Variants in ADGRL3 observed in about 807,000 individuals in gnomAD.
ADGRL3 encodes adhesion G protein-coupled receptor L3.
A neutral mutation model predicts 153.5 loss-of-function variants in ADGRL3; 62 were observed. That is an observed-to-expected ratio of 0.40 (90% confidence interval 0.33 to 0.50). The LOEUF (loss-of-function observed/expected upper bound fraction) is 0.50, where lower values mean the gene tolerates loss of function less well. Among genes scored for constraint, ADGRL3 ranks in the 20% least tolerant of loss-of-function variants. ADGRL3 has a pLI of 0.47. For synonymous variants in ADGRL3, 710 were observed against 672.5 expected (o/e 1.06, Z -0.86); for missense variants, 1,641 against 1,859.4 (o/e 0.88, Z 2.16).
chr4:61,646,692 G>A (rs1580067024), intron 5 of ADGRL3, among the ~76,000 whole-genome samples: 1 of 152,096 alleles, frequency 6.6e-6, no homozygotes, highest in Admixed American at 6.5e-5. Flanking sequence ...CTGTCAGACA[G>A]GGACACTTAA....
intron 1 of ADGRL3, among the ~76,000 whole-genome samples, chr4:61,315,288 A>T (rs1275881638): frequency 6.6e-6 from 1 of 152,084 alleles, no homozygotes; most frequent in East Asian, 1.9e-4. Flanking sequence ...CTTACTTGTG[A>T]TCTAATATTT....
intron 2 of ADGRL3, among the ~76,000 whole-genome samples, chr4:61,398,910 C>T (rs147666919): frequency 1.3e-5 from 2 of 151,638 alleles, no homozygotes; most frequent in Non-Finnish European, 3.0e-5. Context: ...ACTGTGTTTC[C>T]TTAACTTCCC....
intron 1 of ADGRL3, among the ~76,000 whole-genome samples, chr4:61,237,333 G>C (rs949772423): frequency 6.6e-6 from 1 of 151,916 alleles, no homozygotes; most frequent in East Asian, 1.9e-4. Flanking sequence ...TTTGGTCCTG[G>C]GTTTCTGTTG....
chr4:61,715,783 G>A (rs990029596), intron 6 of ADGRL3, among the ~76,000 whole-genome samples: 1 of 151,846 alleles, frequency 6.6e-6, no homozygotes, highest in African/African-American at 2.4e-5. Flanking sequence ...CATAGAACTT[G>A]GAGAGATGGG....
intron 17 of ADGRL3, among the ~76,000 whole-genome samples, chr4:61,969,396 C>A (rs1010218418): frequency 6.6e-6 from 1 of 152,052 alleles, no homozygotes; most frequent in African/African-American, 2.4e-5. Flanking sequence ...ATTCATATGA[C>A]CTTCTGTCTA....
chr4:61,932,068 T>C (rs1196188216), intron 13 of ADGRL3, among the ~76,000 whole-genome samples: 1 of 151,990 alleles, frequency 6.6e-6, no homozygotes, highest in East Asian at 1.9e-4. Context: ...CATACAGTCT[T>C]TTATGTATAT....
intron 1 of ADGRL3, among the ~76,000 whole-genome samples, chr4:61,248,262 A>C (rs2149405312): frequency 6.6e-6 from 1 of 152,148 alleles, no homozygotes; most frequent in African/African-American, 2.4e-5. Context: ...GAGTTATTGA[A>C]ATGCTTCATT....
intron 2 of ADGRL3, among the ~76,000 whole-genome samples, chr4:61,434,620 G>T (rs2097421556): frequency 6.6e-6 from 1 of 151,408 alleles, no homozygotes; most frequent in Non-Finnish European, 1.5e-5. Flanking sequence ...TCCGAATCCT[G>T]CTGACTATTT....
intron 5 of ADGRL3, among the ~76,000 whole-genome samples, chr4:61,651,418 A>T (rs954733387): frequency 1.3e-5 from 2 of 152,204 alleles, no homozygotes; most frequent in East Asian, 3.8e-4. Context: ...GCTATATGAA[A>T]GCACTTCTAA....
At chr4:61,210,343 G>A (rs377722222) in intron 1 of ADGRL3, among the ~76,000 whole-genome samples, 1 of 152,010 alleles carries the variant, frequency 6.6e-6, no homozygotes, top group Non-Finnish European at 1.5e-5. Flanking sequence ...TACGCATCCC[G>A]CAGAGGCAGA....
At chr4:61,363,083 G>A (rs2151529003) in intron 1 of ADGRL3, among the ~76,000 whole-genome samples, 1 of 152,228 alleles carries the variant, frequency 6.6e-6, no homozygotes, top group Admixed American at 6.5e-5. Flanking sequence ...TCTAGCTTGA[G>A]GAACTTAAAA....
At chr4:61,836,467 G>T (rs2097937124) in intron 9 of ADGRL3, among the ~76,000 whole-genome samples, 1 of 151,990 alleles carries the variant, frequency 6.6e-6, no homozygotes, top group Non-Finnish European at 1.5e-5. Flanking sequence ...AGTAGATAAT[G>T]TTAAATGGTT....
chr4:61,714,221 G>GCACACACACACACAGACA (rs57350284), intron 6 of ADGRL3, among the ~76,000 whole-genome samples: 4 of 150,742 alleles, frequency 2.7e-5, no homozygotes, highest in African/African-American at 9.8e-5. Flanking sequence ...TGTAAAATAC[G>GCACACACACACACAGACA]CACACACACA....
intron 4 of ADGRL3, among the ~76,000 whole-genome samples, chr4:61,579,849 T>A (rs1362908787): frequency 6.6e-6 from 1 of 152,120 alleles, no homozygotes; most frequent in African/African-American, 2.4e-5. Context: ...ATTGTTAGAA[T>A]TCAGTGTATT....
intron 9 of ADGRL3, among the ~76,000 whole-genome samples, chr4:61,816,736 G>C (rs1451851051): frequency 6.6e-6 from 1 of 152,162 alleles, no homozygotes; most frequent in African/African-American, 2.4e-5. Flanking sequence ...GGGGATGCCA[G>C]CTGCAGCAGG....
rs900088251 is a variant in ADGRL3, at chr4:61,301,643, C to A, written c.-239-81481C>A. 2.0e-5 allele frequency among the ~76,000 whole-genome samples: 3 copies of A among 152,272 alleles called. No homozygotes were observed. In the South Asian group the frequency reaches 6.2e-4, roughly 32 times the overall value. ...TGGTGTAAAAAATTTCTCTTTCCCC[C>A]AAAAGGGCCAACAGATATCTCTTTT... On this transcript the variant is annotated intron_variant, in intron 1 of 26. Transcript: ENST00000683033.
chr4:61,967,141 T>A (rs2099009926), intron 17 of ADGRL3, among the ~76,000 whole-genome samples: 1 of 152,092 alleles, frequency 6.6e-6, no homozygotes, highest in Admixed American at 6.6e-5. Context: ...TGTGAAAAAA[T>A]GTATTAATTT....
In ADGRL3 at chr4:61,200,726, G is replaced by A. The variant is rs1471319946; in HGVS notation, c.-1279G>A. ...TGTGTGCGCGTGTGTGAGTGTGCGT[G>A]TCTGGAGAGCGCCAGTGCCTCGCTC... On this transcript the variant is annotated 5_prime_UTR_variant, in exon 1 of 27. Coordinates refer to ENST00000683033, the MANE Select transcript of ADGRL3 (RefSeq NM_001387552.1). Among the ~76,000 whole-genome samples the A allele has an allele frequency of 2.0e-5, 3 of 152,110 alleles. No individual in the cohort carries two copies. The highest frequency in any genetic ancestry group is 6.5e-5 in the Admixed American group (1 of 15,288).
At position 61,202,578 on chromosome 4, in the gene ADGRL3, G is replaced by A. The variant is rs1735240274; in HGVS notation, c.-240+813G>A. Among the ~76,000 whole-genome samples the A allele has an allele frequency of 6.6e-6, 1 of 152,148 alleles. No individual in the cohort carries two copies. ...GGGGCGGGGTGGGCAGAGCATTGGTGGTCGCGGTTGGCGGGTTACAGGTAG... is the reference window on the plus strand; with the variant it reads ...GGGGCGGGGTGGGCAGAGCATTGGTAGTCGCGGTTGGCGGGTTACAGGTAG... On this transcript the variant is annotated intron_variant, in intron 1 of 26. Coordinates refer to ENST00000683033, the MANE Select transcript of ADGRL3 (RefSeq NM_001387552.1). This position sits in a 1 kb window ranked among gnomAD's most constrained non-coding sequence, Gnocchi z 5.0.
Sources: allele counts gnomAD v4.1 joint callset (sites outside exome capture counted in the v4.1 genomes callset), GRCh38; gene constraint gnomAD v4.1.1; non-coding constraint Gnocchi (gnomAD v3.1); transcripts MANE v1.5; gene names NCBI Gene and HGNC (gene_info 2026-07-23, HGNC 2026-07-21).